Variants in TCN2 observed in about 807,000 individuals in gnomAD.
The protein encoded by TCN2 is transcobalamin-2.
Under a neutral mutation model 48.6 loss-of-function variants are expected in TCN2, and 34 were observed. The observed-to-expected ratio is 0.70, with a 90% CI of 0.53 to 0.93. TCN2 has a LOEUF of 0.93. Ranked by LOEUF, TCN2 falls within the 40% of genes least tolerant of loss-of-function variation. TCN2 has a pLI of 0.00. For missense variants in TCN2, 652 were observed against 526.1 expected (o/e 1.24, Z -2.34); for synonymous variants, 283 against 212.5 (o/e 1.33, Z -2.89).
rs775586639 is a variant in TCN2 at position 30,613,024 on chromosome 22, G to A, written c.409G>A (p.Asp137Asn). Residue 137 changes from aspartate to asparagine, a missense_variant, in exon 3 of 9, where the codon GAT becomes AAT. By Grantham distance (23) the Asp-to-Asn change is conservative. Coordinates refer to ENST00000215838, the MANE Select transcript of TCN2 (RefSeq NM_000355.4). ...CTCACAGCTCAAATGGTTCCTGGAG[G>A]ATGAGAAGAGAGCCATTGGTGAGCA... ...LVSQLKWFLE[D>N]EKRAIGHDHK... 1.3e-5 allele frequency: 21 copies of A among 1,613,934 alleles called. No homozygotes were observed. In the African/African-American group the frequency reaches 2.1e-4, roughly 16 times the overall value.
chr22:30,614,593 A>G (rs1460169966), intron 4 of TCN2, 92 bp downstream of exon 4: 7 of 1,551,812 alleles, frequency 4.5e-6, no homozygotes, highest in African/African-American at 2.7e-5. Context: ...CCCCACACTC[A>G]CCTTTCCTTG....
In TCN2 at chr22:30,626,675, C is replaced by A; in HGVS notation, c.*154C>A. 1 of 818,112 alleles carries A rather than the reference C, an allele frequency of 1.2e-6. No homozygotes were observed. The highest frequency in any genetic ancestry group is 2.0e-6 in the Non-Finnish European group (1 of 488,032). The allele number at this position is 818,112 out of a possible 1,614,324, so 50.7% of individuals were successfully genotyped here. On this transcript the variant is annotated 3_prime_UTR_variant, in exon 9 of 9. Transcript: ENST00000215838. ...GGGATCACCCCAGCCACAAGCCCTT[C>A]GAGGGCCCTATACCATGGCCCACCT...
chr22:30,622,897 G>T (rs2301958), intron 7 of TCN2, 71 bp from the exon 8 acceptor site: 2 of 1,510,282 alleles, frequency 1.3e-6, no homozygotes, highest in Non-Finnish European at 1.8e-6. Context: ...TGCTGCTGTG[G>T]GTGAGCACTG....
chr22:30,614,496 C>G lies in TCN2; in HGVS notation c.575C>G (p.Ser192Cys). Reference sequence around the variant, plus strand: ...GAACCTTTCCACCAGGGCCACCATTCTGTGGGTGAGTAGGTCAGACCGTGC... The same window carrying G: ...GAACCTTTCCACCAGGGCCACCATTGTGTGGGTGAGTAGGTCAGACCGTGC... ...AVEPFHQGHHSVDTAAMAGLA... is the reference protein window; with the variant it reads ...AVEPFHQGHHCVDTAAMAGLA... Residue 192 changes from serine (S) to cysteine (C), a missense_variant, in exon 4 of 9, where the codon TCT becomes TGT. Coordinates refer to ENST00000215838, the MANE Select transcript of TCN2 (RefSeq NM_000355.4). 6.2e-7 allele frequency: 1 copy of G among 1,614,164 alleles called. No homozygotes were observed. Among genetic ancestry groups the G allele is most frequent in the Non-Finnish European group, 8.5e-7 (1 of 1,180,024 alleles).
chr22:30,617,972 A>G (rs965852455), intron 7 of TCN2, among the ~76,000 whole-genome samples: 6 of 152,136 alleles, frequency 3.9e-5, no homozygotes, highest in Admixed American at 6.6e-5. Flanking sequence ...CAGGGTCTCA[A>G]TCTTATCACC....
rs1475611580 is a variant in TCN2, at chr22:30,615,759, G to C, written c.912G>C (p.Leu304=). ...TGAACCACAAGACCTACATTGATCT[G>C]ATCTTCCCAGACTGTCTGGCACCAC... ...PVLNHKTYID[L]IFPDCLAPRV... The change falls in exon 6 of 9, where the codon CTG becomes CTC. Residue 304 remains leucine, a synonymous_variant. Coordinates refer to ENST00000215838, the MANE Select transcript of TCN2 (RefSeq NM_000355.4). 3 of 1,614,206 alleles carry C rather than the reference G, an allele frequency of 1.9e-6. No homozygotes were observed. Among genetic ancestry groups the C allele is most frequent in the Non-Finnish European group, 2.5e-6 (3 of 1,180,050 alleles).
At position 30,609,352 on chromosome 22, in the gene TCN2, G is replaced by A. The variant is rs556827617; in HGVS notation, c.65-1519G>A. Reference sequence around the variant, plus strand: ...AATCAGCCCTTAGCTGGCAGGGCTGGGTTGGTAGGGCGAGAGCTCACCCAA... The same window carrying A: ...AATCAGCCCTTAGCTGGCAGGGCTGAGTTGGTAGGGCGAGAGCTCACCCAA... On this transcript the variant is annotated intron_variant, in intron 1 of 8. Coordinates refer to ENST00000215838, the MANE Select transcript of TCN2 (RefSeq NM_000355.4). Among the ~76,000 whole-genome samples the A allele has an allele frequency of 1.4e-3, 206 of 152,156 alleles. 5 individuals are homozygous for A. Among genetic ancestry groups the A allele is most frequent in the African/African-American group, 4.0e-3 (166 of 41,510 alleles).
At chr22:30,623,959 T>C (rs1295111530) in intron 8 of TCN2, among the ~76,000 whole-genome samples, 1 of 95,106 alleles carries the variant, frequency 1.1e-5, no homozygotes. Context: ...TATGTATACA[T>C]ATATACACAC....
intron 1 of TCN2, among the ~76,000 whole-genome samples, 165 bp from the exon 2 acceptor site, chr22:30,610,706 C>A (rs1309101709): frequency 6.6e-6 from 1 of 152,238 alleles, no homozygotes; most frequent in Non-Finnish European, 1.5e-5. Context: ...TTTCTCCTCC[C>A]ACTGCCTTTC....
chr22:30,613,068 T>C (rs756570597), intron 3 of TCN2, 26 bp downstream of exon 3: 1 of 1,612,724 alleles, frequency 6.2e-7, no homozygotes, highest in South Asian at 1.1e-5. Flanking sequence ...CCGCTGGGGG[T>C]GGGGAGCAGC....
intron 8 of TCN2, among the ~76,000 whole-genome samples, chr22:30,625,938 T>C (rs976993219): frequency 1.3e-5 from 2 of 152,200 alleles, no homozygotes; most frequent in African/African-American, 2.4e-5. Context: ...GAAACATTTC[T>C]GACACCTGGC....
In TCN2 at chr22:30,627,182, T is replaced by C. The variant is rs1255626116; in HGVS notation, c.*661T>C. 1 of 164,324 alleles carries C rather than the reference T, an allele frequency of 6.1e-6. No homozygotes were observed. Among genetic ancestry groups the C allele is most frequent in the Non-Finnish European group, 1.3e-5 (1 of 74,410 alleles). The allele number at this position is 164,324 out of a possible 1,614,324, so 10.2% of individuals were successfully genotyped here. ...CGCCATGTGGGCATTGGGGGAGTGA[T>C]GGGAATGCCAGCAGTGATGACATTG... On this transcript the variant is annotated 3_prime_UTR_variant, in exon 9 of 9. Transcript: ENST00000215838.
At chr22:30,620,974 T>C (rs2087688267) in intron 7 of TCN2, among the ~76,000 whole-genome samples, 1 of 151,736 alleles carries the variant, frequency 6.6e-6, no homozygotes, top group Non-Finnish European at 1.5e-5. Context: ...TTCGCTAAAG[T>C]CACCCCAAAT....
At position 30,617,514 on chromosome 22, in the gene TCN2, A is replaced by G. The variant is rs759236553; in HGVS notation, c.1106+19A>G. On this transcript the variant is annotated intron_variant, in intron 7 of 8. Coordinates refer to ENST00000215838, the MANE Select transcript of TCN2 (RefSeq NM_000355.4). The stretch of plus-strand genomic sequence containing the variant: ...GATTCACGTGAGACTCCCACCTCCC[A>G]GTCCTCACCCCACCCAACCTCACAT... 7 of 1,614,012 alleles carry G rather than the reference A, an allele frequency of 4.3e-6. No homozygotes were observed. Among genetic ancestry groups the G allele is most frequent in the Non-Finnish European group, 5.9e-6 (7 of 1,179,998 alleles).
Position 30,614,346 on chromosome 22 carries a change from C to T in TCN2, c.428-3C>T. 1 of 1,614,050 alleles carries T rather than the reference C, an allele frequency of 6.2e-7. No homozygotes were observed. The highest frequency in any genetic ancestry group is 8.5e-7 in the Non-Finnish European group (1 of 1,179,974). ...GCAACCCCTCTGTTTTTTTCCCTCT[C>T]AGGGCATGATCACAAGGGCCACCCC... On this transcript the variant is annotated splice_region_variant and splice_polypyrimidine_tract_variant and intron_variant, in intron 3 of 8. Coordinates refer to ENST00000215838, the MANE Select transcript of TCN2 (RefSeq NM_000355.4).
rs764544701 is a variant in TCN2, at chr22:30,611,041, G to T, written c.235G>T (p.Gly79Cys). 4 of 1,614,072 alleles carry T rather than the reference G, an allele frequency of 2.5e-6. No individual in the cohort carries two copies. Among genetic ancestry groups the T allele is most frequent in the Non-Finnish European group, 3.4e-6 (4 of 1,179,976 alleles). Residue 79 changes from glycine (G) to cysteine (C), a missense_variant, in exon 2 of 9, where the codon GGT becomes TGT. By Grantham distance (159) the Gly-to-Cys change is radical. Coordinates refer to ENST00000215838, the MANE Select transcript of TCN2 (RefSeq NM_000355.4). ...CCTCTACCTGCACAGCCTCAAGCTT[G>T]GTTACCAGCAGTGCCTCCTAGGGTA... ...EDLYLHSLKL[G>C]YQQCLLGSAF...
At chr22:30,617,285 T>G (rs745691674) in intron 6 of TCN2, 45 bp from the exon 7 acceptor site, 31 of 1,613,334 alleles carry the variant, frequency 1.9e-5, no homozygotes, top group Middle Eastern at 1.6e-4. Context: ...TAATCCAGGC[T>G]CTCTGTCCTC....
chr22:30,607,566 C>T (rs796094058), intron 1 of TCN2, among the ~76,000 whole-genome samples, 171 bp downstream of exon 1: 22 of 152,320 alleles, frequency 1.4e-4, no homozygotes, highest in African/African-American at 4.8e-4. Flanking sequence ...TGTTTGACTC[C>T]TCACCAGACA....
rs114853320 is a variant in TCN2, at chr22:30,614,132, C to T, written c.428-217C>T. On this transcript the variant is annotated intron_variant, in intron 3 of 8. Coordinates refer to ENST00000215838, the MANE Select transcript of TCN2 (RefSeq NM_000355.4). ...ATTGCTGTGGTTGAGGCCCGAACTG[C>T]GCAGTGCCTGTCTGCCATGGGTCTC... Among the ~76,000 whole-genome samples, 616 of 152,284 alleles carry T rather than the reference C, an allele frequency of 4.0e-3. 6 individuals carry two copies. Among genetic ancestry groups the T allele is most frequent in the African/African-American group, 0.014 (565 of 41,560 alleles).
Sources: allele counts gnomAD v4.1 joint callset (sites outside exome capture counted in the v4.1 genomes callset), GRCh38; gene constraint gnomAD v4.1.1; transcripts MANE v1.5; gene names NCBI Gene and HGNC (gene_info 2026-07-23, HGNC 2026-07-21).